The following MPPE1 variants were observed in gnomAD, a reference collection of about 807,000 sequenced individuals.
MPPE1 encodes the protein metallo phosphoesterase.
In MPPE1, 28 loss-of-function variants were observed where a neutral mutation model predicts 43.8. The observed-to-expected ratio is 0.64, with a 90% confidence interval of 0.47 to 0.88. MPPE1 has a LOEUF of 0.88. Among genes scored for constraint, MPPE1 ranks in the 40% least tolerant of loss-of-function variants. The probability of loss-of-function intolerance (pLI) is 0.00; values close to 1 mark genes in which losing one functional copy is unlikely to be tolerated. For missense variants in MPPE1, 428 were observed against 492.2 expected (o/e 0.87, Z 1.23); for synonymous variants, 159 against 188.5 (o/e 0.84, Z 1.28).
chr18:11,907,555 G>A (rs1301831922), intron 1 of MPPE1, among the ~76,000 whole-genome samples: 1 of 151,780 alleles, frequency 6.6e-6, no homozygotes, highest in Non-Finnish European at 1.5e-5. Flanking sequence ...CGCAGGCTGC[G>A]TCACAGCTCG....
Position 11,889,451 on chromosome 18 carries a change from T to G in MPPE1, c.430A>C (p.Arg144=). The G allele has an allele frequency of 2.5e-6, 4 of 1,613,476 alleles. No homozygotes were observed. Among genetic ancestry groups the G allele is most frequent in the Non-Finnish European group, 1.7e-6 (2 of 1,179,742 alleles). The change falls in exon 5 of 11, where the codon AGA becomes CGA. Residue 144 remains arginine (R), a synonymous_variant. Coordinates refer to ENST00000588072, the MANE Select transcript of MPPE1 (RefSeq NM_023075.6). ...TTCAGCTGTACATGACTTGGGTGTC[T>G]GAACATTTTCTGAAACCGCTCCACA... ...DDVERFQKMF[R]HPSHVQLKVV...
At position 11,886,750 on chromosome 18, in the gene MPPE1, C is replaced by T. The variant is rs746070824; in HGVS notation, c.707G>A (p.Gly236Glu). The change falls in exon 8 of 11, where the codon GGG (glycine) becomes GAG (glutamate). Residue 236 changes from glycine (G) to glutamate (E), a missense_variant. Coordinates refer to ENST00000588072, the MANE Select transcript of MPPE1 (RefSeq NM_023075.6). The surrounding 1 kb of genome is among the most constrained non-coding windows in gnomAD (Gnocchi z 4.1). ...AGGGGCAGACGTGGGCAGCAGAGGC[C>T]CAGGTCCACACCGGCTGGAGCCACG... Reference protein sequence around the residue: ...EARGSSRCGPGPLLPTSAPVL... With the variant: ...EARGSSRCGPEPLLPTSAPVL... The T allele has an allele frequency of 2.5e-6, 4 of 1,613,400 alleles. No individual in the cohort carries two copies. The highest frequency in any genetic ancestry group is 3.4e-6 in the Non-Finnish European group (4 of 1,179,944).
intron 3 of MPPE1, among the ~76,000 whole-genome samples, chr18:11,894,833 AC>A: frequency 6.6e-6 from 1 of 151,268 alleles, no homozygotes; most frequent in Admixed American, 6.6e-5. Context: ...CTGGTGATCC[AC>A]CCGCCTCAGC....
rs142773644 is a variant in MPPE1 at position 11,902,067 on chromosome 18, G to A, written c.-93+4136C>T. On this transcript the variant is annotated intron_variant, in intron 2 of 10. Coordinates refer to ENST00000588072, the MANE Select transcript of MPPE1 (RefSeq NM_023075.6). The stretch of plus-strand genomic sequence containing the variant: ...TTCTCTAAGGCAAACCACACATGCC[G>A]CATAATCGCAGTCACAACATACCTT... Among the ~76,000 whole-genome samples the A allele has an allele frequency of 4.6e-5, 7 of 152,278 alleles. No homozygotes were observed. The East Asian group carries it at 9.6e-4, about 21-fold the overall frequency.
chr18:11,893,742 C>T (rs984799725), intron 3 of MPPE1, among the ~76,000 whole-genome samples, 166 bp from the exon 4 acceptor site: 1 of 152,188 alleles, frequency 6.6e-6, no homozygotes, highest in Non-Finnish European at 1.5e-5. Context: ...GAGTCCATAT[C>T]TGATTAAAGG....
chr18:11,896,928 G>T, intron 3 of MPPE1, 56 bp downstream of exon 3: 1 of 1,497,436 alleles, frequency 6.7e-7, no homozygotes, highest in Admixed American at 1.9e-5. Flanking sequence ...TATGAGGAGA[G>T]GGCTATACCG....
intron 1 of MPPE1, among the ~76,000 whole-genome samples, chr18:11,906,941 C>T (rs1185933509): frequency 1.3e-5 from 2 of 151,934 alleles, no homozygotes; most frequent in African/African-American, 2.4e-5. Flanking sequence ...CTCACTCCAC[C>T]GCCCATTGTA....
intron 2 of MPPE1, among the ~76,000 whole-genome samples, chr18:11,904,881 T>C (rs1188592949): frequency 1.3e-5 from 2 of 151,598 alleles, no homozygotes; most frequent in Non-Finnish European, 1.5e-5. Context: ...AGGCGGAGGT[T>C]GCAGTGAGCC....
chr18:11,893,388 G>A, intron 4 of MPPE1, 80 bp downstream of exon 4: 1 of 961,174 alleles, frequency 1.0e-6, no homozygotes, highest in Non-Finnish European at 1.6e-6. Context: ...AGCTCAAGCT[G>A]ACACTGATTC....
At position 11,886,533 on chromosome 18, in the gene MPPE1, T is replaced by C. The variant is rs779495198; in HGVS notation, c.833A>G (p.Asn278Ser). The C allele has an allele frequency of 1.9e-6, 3 of 1,614,112 alleles. No individual in the cohort carries two copies. Among genetic ancestry groups the C allele is most frequent in the Admixed American group, 3.3e-5 (2 of 60,006 alleles). ...TGCCTCCCGTGAAAGCACGTCATAG[T>C]TCTCCTTAAATGGGATGTCCCTTTC... ...AEERDIPFKE[N>S]YDVLSREASQ... is the part of the protein sequence containing the mutation. Residue 278 changes from asparagine (N) to serine (S), a missense_variant, in exon 9 of 11, where the codon AAC becomes AGC. This residue lies in a region of MPPE1 where 379 missense variants were observed against 402.5 expected (regional missense o/e 0.94). Coordinates refer to ENST00000588072, the MANE Select transcript of MPPE1 (RefSeq NM_023075.6). The surrounding 1 kb of genome is among the most constrained non-coding windows in gnomAD (Gnocchi z 4.1).
intron 6 of MPPE1, among the ~76,000 whole-genome samples, chr18:11,888,428 G>A (rs1484642871): frequency 1.3e-5 from 2 of 152,220 alleles, no homozygotes; most frequent in Non-Finnish European, 2.9e-5. Flanking sequence ...GCTGGGCAGA[G>A]TCATAAACTG....
In MPPE1 at chr18:11,884,244, G is replaced by A. The variant is rs2036846441; in HGVS notation, c.*201C>T. On this transcript the variant is annotated 3_prime_UTR_variant, in exon 11 of 11. Coordinates refer to ENST00000588072, the MANE Select transcript of MPPE1 (RefSeq NM_023075.6). Reference sequence around the variant, plus strand: ...ATAAAAATGAGAAAACAGATTTGTTGTAGAGTACCTGTCCACTTTTATAGC... The same window carrying A: ...ATAAAAATGAGAAAACAGATTTGTTATAGAGTACCTGTCCACTTTTATAGC... The A allele has an allele frequency of 3.6e-6, 2 of 560,652 alleles. No individual in the cohort carries two copies. Among genetic ancestry groups the A allele is most frequent in the South Asian group, 4.7e-5 (2 of 42,690 alleles). 34.7% of individuals were successfully genotyped at this position (560,652 alleles called of 1,614,324 possible). A position where few individuals can be genotyped will look rare whatever the true frequency, so the allele number is the denominator to read the frequency against.
At chr18:11,899,079 G>GTT (rs11389360) in intron 2 of MPPE1, among the ~76,000 whole-genome samples, 1 of 151,144 alleles carries the variant, frequency 6.6e-6, no homozygotes, top group African/African-American at 2.4e-5. Context: ...AGCTAATTTT[G>GTT]TTTTTTTGTA....
chr18:11,886,698 C>A lies in MPPE1; in HGVS notation c.744+15G>T. 6.2e-7 allele frequency: 1 copy of A among 1,613,862 alleles called. No individual in the cohort carries two copies. The highest frequency in any genetic ancestry group is 8.5e-7 in the Non-Finnish European group (1 of 1,180,034). On this transcript the variant is annotated intron_variant, in intron 8 of 10. Coordinates refer to ENST00000588072, the MANE Select transcript of MPPE1 (RefSeq NM_023075.6). This position sits in a 1 kb window ranked among gnomAD's most constrained non-coding sequence, Gnocchi z 4.1. The stretch of plus-strand genomic sequence containing the variant: ...GCCTGCTGTCTGCCATGAGCCCTTT[C>A]CTCCCCCAGCTCACCTGCAGGAGGA...
intron 2 of MPPE1, among the ~76,000 whole-genome samples, chr18:11,903,621 A>G (rs1040274001): frequency 1.3e-5 from 2 of 152,198 alleles, no homozygotes; most frequent in African/African-American, 4.8e-5. Flanking sequence ...CCTGGCTAAC[A>G]CAGTGAAACC....
chr18:11,889,167 C>G (rs1220522700), intron 5 of MPPE1, among the ~76,000 whole-genome samples: 2 of 152,108 alleles, frequency 1.3e-5, no homozygotes, highest in Non-Finnish European at 2.9e-5. Context: ...TAGATGTTTC[C>G]CAAGGGCACA....
rs2038244865 is a variant in MPPE1, at chr18:11,893,565, A to G, written c.293T>C (p.Met98Thr). The change falls in exon 4 of 11, where the codon ATG (methionine) becomes ACG (threonine). Residue 98 changes from methionine to threonine, a missense_variant. Transcript: ENST00000588072. ...WLDKLRREWQ[M>T]ERAFQTALWL... is the part of the protein sequence containing the mutation. ...CAGAGCTGTCTGGAACGCTCTCTCC[A>G]TCTGCCATTCCCTTGATGCCAATAG... The G allele has an allele frequency of 6.2e-7, 1 of 1,613,964 alleles. No homozygotes were observed. The highest frequency in any genetic ancestry group is 1.3e-5 in the African/African-American group (1 of 74,930).
intron 2 of MPPE1, among the ~76,000 whole-genome samples, chr18:11,903,080 G>A (rs1203132545): frequency 1.3e-5 from 2 of 152,150 alleles, no homozygotes; most frequent in Non-Finnish European, 2.9e-5. Flanking sequence ...GCATGAGCGG[G>A]GCAGGTGAGG....
intron 2 of MPPE1, among the ~76,000 whole-genome samples, chr18:11,900,712 C>G (rs939614927): frequency 2.6e-5 from 4 of 151,790 alleles, no homozygotes; most frequent in Non-Finnish European, 5.9e-5. Context: ...TCGAGACCAT[C>G]CTGGCTAACA....
Sources: gnomAD v4.1 joint callset for allele counts (sites outside exome capture counted in the v4.1 genomes callset) on GRCh38, gnomAD v4.1.1 for gene constraint, gnomAD v4.1.1 regional missense constraint, Gnocchi (gnomAD v3.1) non-coding constraint, MANE v1.5 for transcripts, NCBI Gene and HGNC (gene_info 2026-07-23, HGNC 2026-07-21) for gene names.